The following FKRP variants were observed in gnomAD, a reference collection of about 807,000 sequenced individuals.
FKRP encodes fukutin related protein, also known as ribitol 5-phosphate transferase FKRP.
FKRP carries 25 observed loss-of-function variants against 30.6 expected under a neutral mutation model. That is an observed-to-expected ratio of 0.82 (90% CI 0.60 to 1.14). FKRP has a LOEUF of 1.14. Ranked by LOEUF, FKRP falls within the 50% of genes most tolerant of loss-of-function variation. The pLI, the probability that FKRP is intolerant of heterozygous loss-of-function variation, is 0.00. For synonymous variants in FKRP, 358 were observed against 342.5 expected (o/e 1.05, Z -0.50); for missense variants, 771 against 727.8 (o/e 1.06, Z -0.68).
At chr19:46,750,815 C>G (rs563615328) in intron 3 of FKRP, among the ~76,000 whole-genome samples, 4 of 152,200 alleles carry the variant, frequency 2.6e-5, no homozygotes, top group East Asian at 3.9e-4. Context: ...AGGAGTGAGC[C>G]CCCATACCCA....
chr19:46,755,403 C>G lies in FKRP; in HGVS notation c.-39-9C>G. 1.9e-6 allele frequency: 3 copies of G among 1,547,034 alleles called. No homozygotes were observed. Among genetic ancestry groups the G allele is most frequent in the Non-Finnish European group, 2.6e-6 (3 of 1,149,444 alleles). ...AGCTGCTGCCTTCCCTTTCGTCCCC[C>G]TCCCCCAGGATGCCCCGGAGGCCCA... On this transcript the variant is annotated splice_polypyrimidine_tract_variant and intron_variant, in intron 3 of 3. Transcript: ENST00000318584.
Position 46,758,501 on chromosome 19 carries a change from T to G in FKRP, c.*1563T>G, listed in dbSNP as rs566036533. ...TTTAAAATTATGAATATGAATAGGG[T>G]TTTTTTTATGTTTCTTGCCTCATCC... On this transcript the variant is annotated 3_prime_UTR_variant, in exon 4 of 4. Coordinates refer to ENST00000318584, the MANE Select transcript of FKRP (RefSeq NM_024301.5). The G allele has an allele frequency of 2.4e-5, 4 of 166,242 alleles. No individual in the cohort carries two copies. Among genetic ancestry groups the G allele is most frequent in the Middle Eastern group, 3.4e-3 (1 of 296 alleles). 10.3% of individuals were successfully genotyped at this position (166,242 alleles called of 1,614,324 possible). A position where few individuals can be genotyped will look rare whatever the true frequency, so the allele number is the denominator to read the frequency against.
chr19:46,756,055 T>C lies in FKRP; in HGVS notation c.605T>C (p.Leu202Pro). 1 of 1,577,136 alleles carries C rather than the reference T, an allele frequency of 6.3e-7. No homozygotes were observed. Among genetic ancestry groups the C allele is most frequent in the Non-Finnish European group, 8.5e-7 (1 of 1,170,366 alleles). The change falls in exon 4 of 4, where the codon CTG becomes CCG. Residue 202 changes from leucine to proline, a missense_variant. Physicochemically the swap from Leu to Pro is moderately conservative, Grantham distance 98. Transcript: ENST00000318584. This position sits in a 1 kb window ranked among gnomAD's most constrained non-coding sequence, Gnocchi z 6.6. ...CTGGACGGAGATGCTGTGGTGCTCC[T>C]GCGCGCCCGCGACCTCTTCAACCTC... ...DALDGDAVVL[L>P]RARDLFNLSA...
rs1433962237 is a variant in FKRP at position 46,748,039 on chromosome 19, G to C, written c.-240G>C. 1 of 152,252 alleles carries C rather than the reference G, an allele frequency of 6.6e-6. No individual in the cohort carries two copies. Among genetic ancestry groups the C allele is most frequent in the Non-Finnish European group, 1.5e-5 (1 of 68,072 alleles). The allele number at this position is 152,252 out of a possible 1,614,324, so 9.4% of individuals were successfully genotyped here. On this transcript the variant is annotated 5_prime_UTR_variant, in exon 2 of 4. Coordinates refer to ENST00000318584, the MANE Select transcript of FKRP (RefSeq NM_024301.5). ...CTCCTCCTCTCAGGAGCGCAGCTCA[G>C]CTGGGCTGGAACTGCCCTCCTGGAA...
chr19:46,755,601 G>C lies in FKRP; in HGVS notation c.151G>C (p.Val51Leu), dbSNP rs769377092. The C allele has an allele frequency of 6.2e-7, 1 of 1,605,856 alleles. No homozygotes were observed. The highest frequency in any genetic ancestry group is 2.2e-5 in the East Asian group (1 of 44,552). The change falls in exon 4 of 4, where the codon GTC (valine) becomes CTC (leucine). Residue 51 changes from valine to leucine, a missense_variant. Physicochemically the swap from Val to Leu is conservative, Grantham distance 32 (BLOSUM62 1). Coordinates refer to ENST00000318584, the MANE Select transcript of FKRP (RefSeq NM_024301.5). ...RASAAGPRVT[V>L]LVREFEAFDN... ...CTCTGCTGCCGGCCCCCGTGTCACC[G>C]TCCTGGTGCGGGAGTTCGAGGCATT...
Position 46,756,590 on chromosome 19 carries a change from G to A in FKRP, c.1140G>A (p.Gly380=), listed in dbSNP as rs552260353. ...TGGGCAACTGCGAGCAGCTGCGGGG[G>A]GCAGAGGCCGGCTCGGTGGTGGATG... ...EDVGNCEQLR[G]AEAGSVVDER... is the part of the protein sequence containing the mutation. Residue 380 remains glycine (G), a synonymous_variant, in exon 4 of 4, where the codon GGG becomes GGA. Coordinates refer to ENST00000318584, the MANE Select transcript of FKRP (RefSeq NM_024301.5). This position sits in a 1 kb window ranked among gnomAD's most constrained non-coding sequence, Gnocchi z 6.6. The A allele has an allele frequency of 5.7e-5, 92 of 1,610,798 alleles. No homozygotes were observed. Among genetic ancestry groups the A allele is most frequent in the Middle Eastern group, 3.3e-4 (2 of 6,056 alleles).
intron 3 of FKRP, among the ~76,000 whole-genome samples, chr19:46,752,553 A>G (rs2054814621): frequency 6.6e-6 from 1 of 152,194 alleles, no homozygotes; most frequent in African/African-American, 2.4e-5. Context: ...AAGGTCCAGA[A>G]GGCAATTCCA....
At chr19:46,752,543 A>G (rs1199824171) in intron 3 of FKRP, among the ~76,000 whole-genome samples, 1 of 152,166 alleles carries the variant, frequency 6.6e-6, no homozygotes, top group Non-Finnish European at 1.5e-5. Flanking sequence ...GAATCAATCT[A>G]AGGTCCAGAA....
chr19:46,754,409 T>A (rs1268926031), intron 3 of FKRP: 4 of 137,322 alleles, frequency 2.9e-5, no homozygotes, highest in Non-Finnish European at 4.7e-5. Context: ...TTATTTATTT[T>A]TTGAGACAGT....
upstream of FKRP, chr19:46,745,928 T>A: frequency 4.2e-5 from 14 of 333,312 alleles, no homozygotes; most frequent in East Asian, 1.3e-4. Flanking sequence ...GTCCCTCCAC[T>A]CCCACCTCGG....
rs764311774 is a variant in FKRP, at chr19:46,756,757, G to A, written c.1307G>A (p.Arg436Gln). Residue 436 changes from arginine (R) to glutamine (Q), a missense_variant, in exon 4 of 4, where the codon CGG becomes CAG. Coordinates refer to ENST00000318584, the MANE Select transcript of FKRP (RefSeq NM_024301.5). This position sits in a 1 kb window ranked among gnomAD's most constrained non-coding sequence, Gnocchi z 6.6. ...ACCAAGGACACGTGGCTGGACCACC[G>A]GCAGGATGTGGAGTTTCCCGAGCAC... ...VMTKDTWLDH[R>Q]QDVEFPEHFL... 3 of 1,605,536 alleles carry A rather than the reference G, an allele frequency of 1.9e-6. No individual in the cohort carries two copies. Among genetic ancestry groups the A allele is most frequent in the Non-Finnish European group, 2.5e-6 (3 of 1,176,518 alleles).
intron 1 of FKRP, chr19:46,747,601 T>C (rs1056229961): frequency 1.3e-5 from 2 of 151,876 alleles, no homozygotes; most frequent in African/African-American, 4.8e-5. Context: ...TTCTCCATGT[T>C]GGTCACGCTG....
intron 3 of FKRP, among the ~76,000 whole-genome samples, chr19:46,749,944 A>G (rs1032874885): frequency 3.9e-5 from 6 of 152,028 alleles, no homozygotes; most frequent in Non-Finnish European, 7.3e-5. Context: ...TCAAACTCCC[A>G]GGCTCAAGCA....
In FKRP at chr19:46,756,871, G is replaced by C. The variant is rs755722104; in HGVS notation, c.1421G>C (p.Gly474Ala). The change falls in exon 4 of 4, where the codon GGG (glycine) becomes GCG (alanine). Residue 474 changes from glycine (G) to alanine (A), a missense_variant. Gly to Ala is a moderately conservative substitution (Grantham distance 60). Coordinates refer to ENST00000318584, the MANE Select transcript of FKRP (RefSeq NM_024301.5). This position sits in a 1 kb window ranked among gnomAD's most constrained non-coding sequence, Gnocchi z 6.6. ...CGCCGCTTCCTGGAGCTCAAGTTCG[G>C]GCCCGGGGTCATCGAGAACCCCCAG... is the stretch of plus-strand genomic sequence containing the variant. The part of the protein sequence containing the change: ...NYRRFLELKF[G>A]PGVIENPQYP... 1.2e-6 allele frequency: 2 copies of C among 1,611,762 alleles called. No homozygotes were observed. The highest frequency in any genetic ancestry group is 2.2e-5 in the South Asian group (2 of 90,746).
intron 3 of FKRP, among the ~76,000 whole-genome samples, chr19:46,749,908 C>T (rs1284669263): frequency 6.6e-6 from 1 of 151,882 alleles, no homozygotes; most frequent in Non-Finnish European, 1.5e-5. Flanking sequence ...TTTGTAGAGA[C>T]GGGGTCTTAC....
intron 3 of FKRP, among the ~76,000 whole-genome samples, chr19:46,751,555 ATTT>A (rs1226341140): frequency 1.1e-5 from 1 of 87,910 alleles, no homozygotes; most frequent in Admixed American, 1.2e-4. Flanking sequence ...ACTTTTTTGT[ATTT>A]TTTTTTTTTT....
intron 3 of FKRP, among the ~76,000 whole-genome samples, chr19:46,751,889 G>C (rs1270623714): frequency 6.6e-6 from 1 of 152,138 alleles, no homozygotes; most frequent in African/African-American, 2.4e-5. Flanking sequence ...TTTTTAAATA[G>C]GATGGCCAAA....
intron 1 of FKRP, chr19:46,746,534 G>A (rs2054635573): frequency 1.6e-6 from 1 of 624,384 alleles, no homozygotes; most frequent in Non-Finnish European, 2.0e-6. Context: ...GCGCGCGCCC[G>A]GCGGGGGACA....
At chr19:46,753,380 G>A (rs12984307) in intron 3 of FKRP, among the ~76,000 whole-genome samples, 18 of 90,646 alleles carry the variant, frequency 2.0e-4, no homozygotes, top group African/African-American at 7.3e-4. Context: ...TCGCTTGAAC[G>A]CGGGAGGCAG....
Sources: allele counts gnomAD v4.1 joint callset (sites outside exome capture counted in the v4.1 genomes callset), GRCh38; gene constraint gnomAD v4.1.1; non-coding constraint Gnocchi (gnomAD v3.1); transcripts MANE v1.5; gene names NCBI Gene and HGNC (gene_info 2026-07-23, HGNC 2026-07-21).